Variants in CTSB observed in about 807,000 individuals in gnomAD.
CTSB encodes the protein cathepsin B, also known as APP secretase.
In CTSB, 57 loss-of-function variants were observed where a neutral mutation model predicts 44.3. That is an observed-to-expected ratio of 1.29 (90% confidence interval 1.04 to 1.60). CTSB has a LOEUF of 1.60. Among genes scored for constraint, CTSB ranks in the 40% most tolerant of loss-of-function variants. The pLI is 0.00. For synonymous variants in CTSB, 320 were observed against 168.0 expected (o/e 1.91, Z -7.00); for missense variants, 768 against 443.0 (o/e 1.73, Z -6.59).
chr8:11,861,784 C>T (rs1226156582), intron 1 of CTSB, among the ~76,000 whole-genome samples: 1 of 152,216 alleles, frequency 6.6e-6, no homozygotes, highest in Non-Finnish European at 1.5e-5. Flanking sequence ...TTTGAGATTG[C>T]AATGAGATTA....
chr8:11,847,007 C>A, intron 8 of CTSB, 45 bp downstream of exon 8: 2 of 952,448 alleles, frequency 2.1e-6, no homozygotes, highest in South Asian at 2.6e-5. Context: ...CCCAGGCTCC[C>A]CTCCCGACCC....
chr8:11,844,122 G>T lies in CTSB; in HGVS notation c.*1003C>A, dbSNP rs549552949. On this transcript the variant is annotated 3_prime_UTR_variant, in exon 10 of 10. Coordinates refer to ENST00000353047, the MANE Select transcript of CTSB (RefSeq NM_001908.5). ...CCAGGCACTTACAGAGAAGGTTGAC[G>T]AGGATGACAGGGAACTAATTGGGGG... is the stretch of plus-strand genomic sequence containing the variant. 2 of 152,254 alleles carry T rather than the reference G, an allele frequency of 1.3e-5. No individual in the cohort carries two copies. The highest frequency in any genetic ancestry group is 1.9e-4 in the East Asian group (1 of 5,200). The allele number at this position is 152,254 out of a possible 1,614,324, so 9.4% of individuals were successfully genotyped here.
At chr8:11,866,688 C>CAGGGG (rs1817201297) in intron 1 of CTSB, among the ~76,000 whole-genome samples, 1 of 152,156 alleles carries the variant, frequency 6.6e-6, no homozygotes, top group Admixed American at 6.5e-5. Flanking sequence ...GGTGAAACCC[C>CAGGGG]ATCTCTACTA....
At chr8:11,845,485 G>C (rs545667488) in intron 9 of CTSB, among the ~76,000 whole-genome samples, 176 bp downstream of exon 9, 3 of 152,358 alleles carry the variant, frequency 2.0e-5, no homozygotes, top group South Asian at 2.1e-4. Flanking sequence ...GCTGCTCAGA[G>C]TCTGCCCTCA....
Position 11,850,999 on chromosome 8 carries a change from T to A in CTSB, c.213-19A>T. ...CATAACTCTGGATAAAGGAAGGTCT[T>A]CATTACAAGCTCTGATCCCACAACT... On this transcript the variant is annotated intron_variant, in intron 3 of 9. Transcript: ENST00000353047. The A allele has an allele frequency of 2.5e-6, 4 of 1,580,692 alleles. No individual in the cohort carries two copies. Among genetic ancestry groups the A allele is most frequent in the Non-Finnish European group, 3.5e-6 (4 of 1,152,810 alleles).
intron 1 of CTSB, chr8:11,862,574 T>A (rs140473256): frequency 6.6e-6 from 1 of 152,352 alleles, no homozygotes; most frequent in East Asian, 1.9e-4. Flanking sequence ...GCAAAGCATG[T>A]CCCAAACACC....
rs1812434081 is a variant in CTSB, at chr8:11,842,582, G to A, written c.*2543C>T. ...AATATATTCTACTTGAAACTGGAAG[G>A]ATAAGTGGTTATGAATTTGTGGCTT... On this transcript the variant is annotated 3_prime_UTR_variant, in exon 10 of 10. Coordinates refer to ENST00000353047, the MANE Select transcript of CTSB (RefSeq NM_001908.5). The A allele has an allele frequency of 6.6e-6, 1 of 152,116 alleles. No homozygotes were observed. The highest frequency in any genetic ancestry group is 1.5e-5 in the Non-Finnish European group (1 of 68,014). 9.4% of individuals were successfully genotyped at this position (152,116 alleles called of 1,614,324 possible). A position where few individuals can be genotyped will look rare whatever the true frequency, so the allele number is the denominator to read the frequency against.
chr8:11,858,007 G>A (rs943789577), intron 1 of CTSB: 3 of 152,228 alleles, frequency 2.0e-5, no homozygotes, highest in Non-Finnish European at 4.4e-5. Flanking sequence ...ATCTGGCTCT[G>A]CCACTGACTA....
intron 9 of CTSB, 96 bp from the exon 10 acceptor site, chr8:11,845,318 C>T (rs1001172064): frequency 3.8e-5 from 36 of 948,504 alleles, no homozygotes; most frequent in African/African-American, 3.1e-4. Flanking sequence ...TCATCCCTGG[C>T]CACTCCTGCT....
At chr8:11,857,230 C>T (rs1309307086) in intron 1 of CTSB, among the ~76,000 whole-genome samples, 2 of 152,204 alleles carry the variant, frequency 1.3e-5, no homozygotes, top group East Asian at 3.8e-4. Flanking sequence ...GTTGGCCAGG[C>T]TGGTCTTGAA....
chr8:11,847,123 G>A lies in CTSB; in HGVS notation c.722C>T (p.Ala241Val), dbSNP rs375382119. ...SVSNSEKDIM[A>V]EIYKNGPVEG... is the part of the protein sequence containing the mutation. ...CACGGGGCCGTTTTTGTAGATCTCG[G>A]CCATGATGTCCTTCTCGCTATTGGA... Residue 241 changes from alanine to valine, a missense_variant, in exon 8 of 10, where the codon GCC (alanine) becomes GTC (valine). Coordinates refer to ENST00000353047, the MANE Select transcript of CTSB (RefSeq NM_001908.5). 3.2e-5 allele frequency: 51 copies of A among 1,612,424 alleles called. No homozygotes were observed. The highest frequency in any genetic ancestry group is 1.1e-4 in the African/African-American group (8 of 74,440).
intron 1 of CTSB, among the ~76,000 whole-genome samples, chr8:11,859,751 G>C (rs1405139796): frequency 3.3e-5 from 4 of 121,590 alleles, no homozygotes; most frequent in Non-Finnish European, 6.4e-5. Flanking sequence ...CTGGGCAACA[G>C]AGCGAGACTC....
rs1813123438 is a variant in CTSB at position 11,845,503 on chromosome 8, AGG to A, written c.922+156_922+157del. Among the ~76,000 whole-genome samples the A allele has an allele frequency of 2.6e-5, 4 of 152,178 alleles. No homozygotes were observed. The South Asian group carries it at 8.3e-4, about 31-fold the overall frequency. On this transcript the variant is annotated intron_variant, in intron 9 of 9. Transcript: ENST00000353047. Reference sequence around the variant, plus strand: ...GCTCAGAGTCTGCCCTCACAGCAAAAGGGAACTCCTGACTGCCTGGCACTTAG... The same window carrying A: ...GCTCAGAGTCTGCCCTCACAGCAAAAGAACTCCTGACTGCCTGGCACTTAG...
At chr8:11,866,568 A>G (rs1285241194) in intron 1 of CTSB, among the ~76,000 whole-genome samples, 1 of 152,250 alleles carries the variant, frequency 6.6e-6, no homozygotes, top group Non-Finnish European at 1.5e-5. Flanking sequence ...CTAAGTCACC[A>G]GCACCAGAGC....
chr8:11,849,050 C>A lies in CTSB; in HGVS notation c.442G>T (p.Asp148Tyr), dbSNP rs765758402. Reference sequence around the variant, plus strand: ...TGGAAGCACAGCCTGACTCACCCGTCCCCACACATGCTGCCACAGCATGTG... The same window carrying A: ...TGGAAGCACAGCCTGACTCACCCGTACCCACACATGCTGCCACAGCATGTG... The part of the protein sequence containing the change: ...LLTCCGSMCG[D>Y]GCNGGYPAEA... Residue 148 changes from aspartate to tyrosine, a missense_variant, in exon 5 of 10, where the codon GAC (aspartate) becomes TAC (tyrosine). By Grantham distance (160) the Asp-to-Tyr change is radical. Coordinates refer to ENST00000353047, the MANE Select transcript of CTSB (RefSeq NM_001908.5). 2.5e-6 allele frequency: 4 copies of A among 1,611,788 alleles called. No homozygotes were observed. Among genetic ancestry groups the A allele is most frequent in the African/African-American group, 1.3e-5 (1 of 75,020 alleles).
chr8:11,845,677 A>C lies in CTSB; in HGVS notation c.906T>G (p.Thr302=). 1 of 1,613,566 alleles carries C rather than the reference A, an allele frequency of 6.2e-7. No homozygotes were observed. The highest frequency in any genetic ancestry group is 1.7e-5 in the Admixed American group (1 of 60,012). ...GCCACTCACCATTGTCACCCCAGTC[A>C]GTGTTCCAGGAGTTGGCAACCAGCC... ...PYWLVANSWN[T]DWGDNGFFKI... is the part of the protein sequence containing the mutation. Residue 302 remains threonine, a synonymous_variant, in exon 9 of 10, where the codon ACT becomes ACG. Transcript: ENST00000353047.
intron 1 of CTSB, among the ~76,000 whole-genome samples, chr8:11,864,875 G>T (rs189201799): frequency 4.7e-5 from 7 of 150,408 alleles, no homozygotes; most frequent in Non-Finnish European, 8.9e-5. Flanking sequence ...ATTGTGCCAC[G>T]GCATTCCAGC....
chr8:11,845,781 G>C lies in CTSB; in HGVS notation c.802C>G (p.Gln268Glu), dbSNP rs1813199425. Reference sequence around the variant, plus strand: ...CCCATCATCTCTCCGGTGACGTGTTGGTACACTCCTGAAAAGGGAAGAACT... The same window carrying C: ...CCCATCATCTCTCCGGTGACGTGTTCGTACACTCCTGAAAAGGGAAGAACT... ...DFLLYKSGVY[Q>E]HVTGEMMGGH... The change falls in exon 9 of 10, where the codon CAA (glutamine) becomes GAA (glutamate). Residue 268 changes from glutamine (Q) to glutamate (E), a missense_variant. Transcript: ENST00000353047. 1 of 1,613,382 alleles carries C rather than the reference G, an allele frequency of 6.2e-7. No homozygotes were observed. Among genetic ancestry groups the C allele is most frequent in the Non-Finnish European group, 8.5e-7 (1 of 1,179,570 alleles).
chr8:11,861,489 G>A (rs2150443975), intron 1 of CTSB: 1 of 152,412 alleles, frequency 6.6e-6, no homozygotes, highest in Non-Finnish European at 1.5e-5. Context: ...CCTATGAGTG[G>A]AATATTGTAC....
Sources: allele counts gnomAD v4.1 joint callset (sites outside exome capture counted in the v4.1 genomes callset), GRCh38; gene constraint gnomAD v4.1.1; transcripts MANE v1.5; gene names NCBI Gene and HGNC (gene_info 2026-07-23, HGNC 2026-07-21).